Variants in YME1L1 observed in about 807,000 individuals in gnomAD.
YME1L1 encodes the protein ATP-dependent zinc metalloprotease YME1L1.
In YME1L1, 39 loss-of-function variants were observed where a neutral mutation model predicts 90.4. The ratio of observed to expected loss-of-function variants is 0.43; its 90% CI spans 0.33 to 0.56. The LOEUF is 0.56. YME1L1 is among the 20% of genes least tolerant of loss of function. The pLI is 0.03. For synonymous variants in YME1L1, 284 were observed against 287.3 expected, an observed-to-expected ratio of 0.99 and a Z score of 0.12; for missense variants, 617 against 868.4, an observed-to-expected ratio of 0.71 and a Z score of 3.64.
chr10:27,121,943 CCAGGTTGGT>C (rs1278912237), intron 11 of YME1L1, among the ~76,000 whole-genome samples: 3 of 152,068 alleles, frequency 2.0e-5, no homozygotes, highest in Non-Finnish European at 4.4e-5. Context: ...ACCATGTTGG[CCAGGTTGGT>C]CTTGAACTCC....
At chr10:27,137,887 ATACAG>A (rs1252714463) in intron 4 of YME1L1, among the ~76,000 whole-genome samples, 2 of 152,128 alleles carry the variant, frequency 1.3e-5, no homozygotes, top group African/African-American at 4.8e-5. Flanking sequence ...TTTCGATCAT[ATACAG>A]TAATTTATTA....
At chr10:27,116,395 G>A (rs1366904286) in intron 15 of YME1L1, 50 bp from the exon 16 acceptor site, 1 of 1,600,434 alleles carries the variant, frequency 6.2e-7, no homozygotes, top group Non-Finnish European at 8.5e-7. Context: ...GAGGCTGGGT[G>A]CGGTGGCTCA....
Position 27,154,361 on chromosome 10 carries a change from C to T in YME1L1, c.-151G>A. 3.5e-6 allele frequency: 3 copies of T among 853,710 alleles called. No homozygotes were observed. The highest frequency in any genetic ancestry group is 1.7e-5 in the South Asian group (1 of 57,844). 52.9% of individuals were successfully genotyped at this position (853,710 alleles called of 1,614,324 possible). On this transcript the variant is annotated 5_prime_UTR_variant, in exon 1 of 19. Coordinates refer to ENST00000376016, the MANE Select transcript of YME1L1 (RefSeq NM_014263.4). ...CAGAAACGGAAAATGGCCTCCCCTT[C>T]CTACAGCTACTGCAACGACAGACAA...
chr10:27,114,373 T>C (rs942374738), intron 18 of YME1L1, 148 bp downstream of exon 18: 17 of 590,622 alleles, frequency 2.9e-5, no homozygotes, highest in South Asian at 1.3e-4. Flanking sequence ...TTTTAATTTT[T>C]TCCCCAGACA....
chr10:27,143,083 A>G (rs918299921), intron 3 of YME1L1, among the ~76,000 whole-genome samples: 4 of 151,996 alleles, frequency 2.6e-5, no homozygotes, highest in Non-Finnish European at 5.9e-5. Flanking sequence ...AACAGTGATA[A>G]AAATGGCCTG....
chr10:27,148,549 C>T (rs1308454077), intron 2 of YME1L1, among the ~76,000 whole-genome samples: 1 of 152,138 alleles, frequency 6.6e-6, no homozygotes, highest in African/African-American at 2.4e-5. Flanking sequence ...TCCTCCTCAG[C>T]CCACTCAACT....
intron 4 of YME1L1, among the ~76,000 whole-genome samples, chr10:27,141,100 A>G (rs2057082232): frequency 6.6e-6 from 1 of 152,152 alleles, no homozygotes; most frequent in Admixed American, 6.5e-5. Flanking sequence ...TATAAATAAG[A>G]ATACAGTGAT....
chr10:27,129,085 C>CAAAAAAAA, intron 8 of YME1L1, among the ~76,000 whole-genome samples: 1 of 48,508 alleles, frequency 2.1e-5, no homozygotes, highest in Non-Finnish European at 3.6e-5. Context: ...GACCCTGTCT[C>CAAAAAAAA]AAAAAAAAAA....
intron 3 of YME1L1, among the ~76,000 whole-genome samples, chr10:27,142,972 C>T (rs2057104490): frequency 1.3e-5 from 2 of 152,154 alleles, no homozygotes; most frequent in Non-Finnish European, 2.9e-5. Context: ...CCACCTCGGC[C>T]TCCCAAAGTG....
chr10:27,131,809 G>A (rs760534393), intron 8 of YME1L1, 50 bp downstream of exon 8: 1 of 1,361,036 alleles, frequency 7.3e-7, no homozygotes, highest in Non-Finnish European at 1.0e-6. Flanking sequence ...CTCATATAGA[G>A]TATCAATTAG....
At chr10:27,126,171 G>A (rs1451989792) in intron 9 of YME1L1, among the ~76,000 whole-genome samples, 2 of 152,074 alleles carry the variant, frequency 1.3e-5, no homozygotes, top group Non-Finnish European at 2.9e-5. Context: ...GGTTGAGTGC[G>A]CTGGCTCATG....
In YME1L1 at chr10:27,147,285, G is replaced by A. The variant is rs190718698; in HGVS notation, c.168+1621C>T. 1.5e-3 allele frequency: 1,188 copies of A among 777,052 alleles called. 3 individuals carry two copies. The highest frequency in any genetic ancestry group is 3.0e-3 in the Admixed American group (111 of 37,108). The allele number at this position is 777,052 out of a possible 1,614,324, so 48.1% of individuals were successfully genotyped here. ...GAGGTGGGAGGACTGCTTCAGGCCA[G>A]GAGTTCGAGATCAGCCTGGTGAAGA... On this transcript the variant is annotated intron_variant, in intron 2 of 18. Coordinates refer to ENST00000376016, the MANE Select transcript of YME1L1 (RefSeq NM_014263.4).
intron 6 of YME1L1, 75 bp downstream of exon 6, chr10:27,134,756 T>G: frequency 6.7e-7 from 1 of 1,502,822 alleles, no homozygotes. Context: ...GAAAAGTTAC[T>G]TAAAACTTAA....
In YME1L1 at chr10:27,152,371, C is replaced by T. The variant is rs139131055; in HGVS notation, c.33+1807G>A. On this transcript the variant is annotated intron_variant, in intron 1 of 18. Transcript: ENST00000376016. ...TTTCAAGTGTATTCAACCAATTAAG[C>T]AACAAGGAATTCCAAATGTGTTACC... is the stretch of plus-strand genomic sequence containing the variant. Among the ~76,000 whole-genome samples, 50 of 152,290 alleles carry T rather than the reference C, an allele frequency of 3.3e-4. No individual in the cohort carries two copies. In the East Asian group the frequency reaches 9.6e-3, roughly 29 times the overall value.
chr10:27,147,463 T>C (rs772547942), intron 2 of YME1L1: 25 of 1,614,142 alleles, frequency 1.5e-5, no homozygotes, highest in Admixed American at 5.0e-5. Context: ...AAACAAATCA[T>C]AGACAATAGG....
chr10:27,121,401 G>T lies in YME1L1; in HGVS notation c.1283C>A (p.Pro428Gln). The T allele has an allele frequency of 6.2e-7, 1 of 1,606,124 alleles. No homozygotes were observed. Among genetic ancestry groups the T allele is most frequent in the Non-Finnish European group, 8.5e-7 (1 of 1,173,084 alleles). The change falls in exon 12 of 19, where the codon CCA becomes CAA. Residue 428 changes from proline to glutamine, a missense_variant. By Grantham distance (76) the Pro-to-Gln change is moderately conservative (BLOSUM62 -1). Coordinates refer to ENST00000376016, the MANE Select transcript of YME1L1 (RefSeq NM_014263.4). ...TAATACTTACTTATCTAATGCCTCT[G>T]GGAAGTTTGTGGCTCCTATTATGAT... The part of the protein sequence containing the change: ...GVIIIGATNF[P>Q]EALDNALIRP...
In YME1L1 at chr10:27,116,094, T is replaced by A. The variant is rs1344059986; in HGVS notation, c.1886A>T (p.Lys629Met). Residue 629 changes from lysine to methionine, a missense_variant, in exon 17 of 19, where the codon AAG becomes ATG. Physicochemically the swap from Lys to Met is moderately conservative, Grantham distance 95. Coordinates refer to ENST00000376016, the MANE Select transcript of YME1L1 (RefSeq NM_014263.4). ...CATTCCAAATTTGGTAACCATCCGCTTTGCTATTTTAGTGGCATTATCAAA... is the reference window on the plus strand; with the variant it reads ...CATTCCAAATTTGGTAACCATCCGCATTGCTATTTTAGTGGCATTATCAAA... ...SDFDNATKIA[K>M]RMVTKFGMSE... The A allele has an allele frequency of 2.5e-6, 4 of 1,614,002 alleles. No homozygotes were observed. The Admixed American group carries it at 6.7e-5, about 27-fold the overall frequency.
intron 1 of YME1L1, 97 bp downstream of exon 1, chr10:27,154,081 C>G: frequency 6.8e-7 from 1 of 1,468,034 alleles, no homozygotes. Context: ...CACTTCATTT[C>G]TAGAGTCCCT....
intron 9 of YME1L1, among the ~76,000 whole-genome samples, chr10:27,124,042 T>G (rs1417773900): frequency 6.6e-6 from 1 of 152,240 alleles, no homozygotes; most frequent in African/African-American, 2.4e-5. Flanking sequence ...ATGTAATTAG[T>G]GAATCCTGAT....
Sources: allele counts gnomAD v4.1 joint callset (sites outside exome capture counted in the v4.1 genomes callset), GRCh38; gene constraint gnomAD v4.1.1; transcripts MANE v1.5; gene names NCBI Gene and HGNC (gene_info 2026-07-23, HGNC 2026-07-21).